Variants in NMU observed in about 807,000 individuals in gnomAD.
NMU encodes the protein neuromedin U.
NMU carries 29 observed loss-of-function variants against 35.4 expected under a neutral mutation model. The observed-to-expected ratio is 0.82, with a 90% CI of 0.61 to 1.12. NMU has a LOEUF of 1.12. Ranked by LOEUF, NMU falls within the 50% of genes most tolerant of loss-of-function variation. The pLI is 0.00. For synonymous variants in NMU, 78 were observed against 81.3 expected, an observed-to-expected ratio of 0.96 and a Z score of 0.22; for missense variants, 199 against 206.2, an observed-to-expected ratio of 0.97 and a Z score of 0.21.
At chr4:55,619,913 C>T (rs1349903063) in intron 2 of NMU, among the ~76,000 whole-genome samples, 1 of 128,986 alleles carries the variant, frequency 7.8e-6, no homozygotes, top group Non-Finnish European at 1.7e-5. Flanking sequence ...ACACTGACAC[C>T]TCACAAGGCA....
At chr4:55,611,451 A>G (rs1473029765) in intron 3 of NMU, among the ~76,000 whole-genome samples, 3 of 152,218 alleles carry the variant, frequency 2.0e-5, no homozygotes, top group African/African-American at 7.2e-5. Flanking sequence ...AAATTTTTAA[A>G]TAAATTTAAC....
intron 3 of NMU, among the ~76,000 whole-genome samples, chr4:55,615,319 T>C (rs555163906): frequency 1.3e-5 from 2 of 152,366 alleles, no homozygotes; most frequent in Admixed American, 6.5e-5. Flanking sequence ...CTTTCCTCTA[T>C]AGAGTCAGTG....
chr4:55,606,802 C>T (rs1054757073), intron 6 of NMU, among the ~76,000 whole-genome samples: 2 of 151,672 alleles, frequency 1.3e-5, no homozygotes, highest in African/African-American at 2.4e-5. Context: ...CTCAACCTCC[C>T]GAGTAGCTGA....
chr4:55,599,033 CAT>C (rs1474146926), intron 9 of NMU, 107 bp downstream of exon 9: 3 of 719,044 alleles, frequency 4.2e-6, no homozygotes, highest in African/African-American at 1.8e-5. Flanking sequence ...ATACATTTAA[CAT>C]AGTTTAATTT....
intron 6 of NMU, among the ~76,000 whole-genome samples, chr4:55,605,863 G>T (rs922763325): frequency 6.6e-6 from 1 of 152,204 alleles, no homozygotes; most frequent in African/African-American, 2.4e-5. Flanking sequence ...AAATGACAAT[G>T]TGTTCTCGAT....
intron 6 of NMU, among the ~76,000 whole-genome samples, chr4:55,606,321 G>A (rs139199895): frequency 6.6e-6 from 1 of 152,080 alleles, no homozygotes; most frequent in African/African-American, 2.4e-5. Context: ...ACACCAAGTA[G>A]GTTGGTTAAC....
chr4:55,634,665 C>T (rs1358793328), intron 1 of NMU, among the ~76,000 whole-genome samples: 1 of 152,182 alleles, frequency 6.6e-6, no homozygotes, highest in African/African-American at 2.4e-5. Context: ...TCAAACTATG[C>T]TTATCAGCAT....
intron 1 of NMU, among the ~76,000 whole-genome samples, chr4:55,631,288 CA>C (rs1734743313): frequency 6.6e-6 from 1 of 152,076 alleles, no homozygotes; most frequent in Non-Finnish European, 1.5e-5. Flanking sequence ...ACTAAAACCC[CA>C]AAAGCAAATG....
chr4:55,630,892 A>G (rs1734726976), intron 1 of NMU, among the ~76,000 whole-genome samples: 2 of 152,188 alleles, frequency 1.3e-5, no homozygotes, highest in Admixed American at 1.3e-4. Flanking sequence ...AGCAAAAAGA[A>G]TACTTCTGGA....
intron 2 of NMU, among the ~76,000 whole-genome samples, chr4:55,617,607 T>C (rs1234913575): frequency 1.3e-5 from 2 of 151,664 alleles, no homozygotes; most frequent in Non-Finnish European, 2.9e-5. Flanking sequence ...TTTAATTAAG[T>C]TGTATTAAAC....
chr4:55,616,885 AAG>A (rs1560521218), intron 2 of NMU, among the ~76,000 whole-genome samples: 1 of 152,196 alleles, frequency 6.6e-6, no homozygotes, highest in Non-Finnish European at 1.5e-5. Context: ...CCAGTATTGG[AAG>A]AGAGTTCTAT....
At chr4:55,618,130 A>G (rs565989402) in intron 2 of NMU, among the ~76,000 whole-genome samples, 22 of 152,278 alleles carry the variant, frequency 1.4e-4, no homozygotes, top group African/African-American at 5.1e-4. Context: ...TCTCATTGAA[A>G]ATGTTTAGGT....
In NMU at chr4:55,636,197, G is replaced by T. The variant is rs1011378603; in HGVS notation, c.-5C>A. 2 of 1,484,068 alleles carry T rather than the reference G, an allele frequency of 1.3e-6. No homozygotes were observed. The allele number at this position is 1,484,068 out of a possible 1,614,324, so 91.9% of individuals were successfully genotyped here. On this transcript the variant is annotated 5_prime_UTR_variant, in exon 1 of 10. Coordinates refer to ENST00000264218, the MANE Select transcript of NMU (RefSeq NM_006681.4). The surrounding 1 kb of genome is among the most constrained non-coding windows in gnomAD (Gnocchi z 4.0). ...GCAGCTCTCTGTTCGCAGCATCTCG[G>T]CGGCTGCGGGAGGCTCGGTGCTAGG...
At chr4:55,603,687 C>T (rs1439858931) in intron 7 of NMU, among the ~76,000 whole-genome samples, 1 of 151,476 alleles carries the variant, frequency 6.6e-6, no homozygotes, top group Non-Finnish European at 1.5e-5. Context: ...CCGAGGCAGG[C>T]GGATCACGAG....
chr4:55,616,235 G>T, intron 3 of NMU, 103 bp downstream of exon 3: 1 of 816,078 alleles, frequency 1.2e-6, no homozygotes, highest in Non-Finnish European at 2.2e-6. Flanking sequence ...CTCACACGTT[G>T]ACATGTTTTC....
At chr4:55,597,991 T>C (rs2110178329) in intron 9 of NMU, among the ~76,000 whole-genome samples, 1 of 152,004 alleles carries the variant, frequency 6.6e-6, no homozygotes, top group East Asian at 1.9e-4. Context: ...ACCGTCCTTC[T>C]ACTTTACTAT....
At chr4:55,605,237 C>A (rs1873090) in intron 7 of NMU, 38 bp downstream of exon 7, 4 of 1,412,122 alleles carry the variant, frequency 2.8e-6, no homozygotes, top group African/African-American at 1.4e-5. Flanking sequence ...CTGCCCCACA[C>A]GGAATGGCAA....
At position 55,636,154 on chromosome 4, in the gene NMU, G is replaced by A. The variant is rs910183040; in HGVS notation, c.39C>T (p.Ala13=). Reference sequence around the variant, plus strand: ...GCGGGGACGCCGCGGCCACCTGTCCGGCGGGCGACCTGGGGCGGCAGCTCT... The same window carrying A: ...GCGGGGACGCCGCGGCCACCTGTCCAGCGGGCGACCTGGGGCGGCAGCTCT... ...RTESCRPRSP[A]GQVAAASPLL... is the part of the protein sequence containing the mutation. Residue 13 remains alanine (A), a synonymous_variant, in exon 1 of 10, where the codon GCC becomes GCT. Transcript: ENST00000264218. This position sits in a 1 kb window ranked among gnomAD's most constrained non-coding sequence, Gnocchi z 4.0. 1 of 1,516,596 alleles carries A rather than the reference G, an allele frequency of 6.6e-7. No homozygotes were observed. The highest frequency in any genetic ancestry group is 8.8e-7 in the Non-Finnish European group (1 of 1,139,228). 93.9% of individuals were successfully genotyped at this position (1,516,596 alleles called of 1,614,324 possible).
intron 1 of NMU, among the ~76,000 whole-genome samples, chr4:55,633,031 G>A (rs7677868): frequency 0.086 from 5,570 of 64,868 alleles, 343 homozygotes; most frequent in African/African-American, 0.28. Context: ...TATAGAAAAC[G>A]ACTAATATCC....
Sources: gnomAD v4.1 joint callset for allele counts (sites outside exome capture counted in the v4.1 genomes callset) on GRCh38, gnomAD v4.1.1 for gene constraint, Gnocchi (gnomAD v3.1) non-coding constraint, MANE v1.5 for transcripts, NCBI Gene and HGNC (gene_info 2026-07-23, HGNC 2026-07-21) for gene names.